The following FAM193A variants were observed in gnomAD, a reference collection of about 807,000 sequenced individuals.
FAM193A encodes the protein protein FAM193A.
FAM193A carries 22 observed loss-of-function variants against 126.5 expected under a neutral mutation model. The observed-to-expected ratio is 0.17, with a 90% CI of 0.12 to 0.25. The LOEUF is 0.25. Among genes scored for constraint, FAM193A ranks in the 10% least tolerant of loss-of-function variants. FAM193A has a pLI of 1.00. For synonymous variants in FAM193A, 761 were observed against 646.8 expected (o/e 1.18, Z -2.68); for missense variants, 1,675 against 1,672.8 (o/e 1.00, Z -0.02).
chr4:2,647,864 A>G (rs1745305293), intron 7 of FAM193A, among the ~76,000 whole-genome samples: 1 of 152,218 alleles, frequency 6.6e-6, no homozygotes, highest in South Asian at 2.1e-4. Context: ...CTAGCCTAAG[A>G]CATGTGCTGG....
chr4:2,547,778 A>G (rs1737658683), intron 1 of FAM193A, among the ~76,000 whole-genome samples: 1 of 151,526 alleles, frequency 6.6e-6, no homozygotes, highest in African/African-American at 2.4e-5. Context: ...GATGTGCGTC[A>G]CCACACCTGG....
intron 1 of FAM193A, among the ~76,000 whole-genome samples, chr4:2,558,617 G>T (rs1391013280): frequency 2.0e-5 from 3 of 152,154 alleles, no homozygotes; most frequent in African/African-American, 7.2e-5. Context: ...TTGGCCTCAA[G>T]CAATCCTCCT....
chr4:2,546,791 T>C (rs1737588887), intron 1 of FAM193A, among the ~76,000 whole-genome samples: 1 of 152,050 alleles, frequency 6.6e-6, no homozygotes, highest in South Asian at 2.1e-4. Flanking sequence ...TACCAAGGAG[T>C]AGGAGCTGGT....
chr4:2,688,298 G>C (rs537192831), intron 13 of FAM193A, among the ~76,000 whole-genome samples: 1 of 152,126 alleles, frequency 6.6e-6, no homozygotes, highest in Admixed American at 6.5e-5. Context: ...GGAAAATGAC[G>C]GATTTTAGTG....
intron 13 of FAM193A, among the ~76,000 whole-genome samples, chr4:2,686,964 T>C (rs1715807952): frequency 6.6e-6 from 1 of 152,208 alleles, no homozygotes; most frequent in Admixed American, 6.5e-5. Context: ...TTCCTGGCTC[T>C]TGTCCCATGG....
intron 13 of FAM193A, among the ~76,000 whole-genome samples, chr4:2,675,416 G>A (rs2109180082): frequency 6.6e-6 from 1 of 152,314 alleles, no homozygotes; most frequent in East Asian, 1.9e-4. Flanking sequence ...GCCCTACAAA[G>A]TTTGATACTC....
rs1553912486 is a variant in FAM193A, at chr4:2,699,444, C to CA, written c.3508-236_3508-235insA. ...ATTTTTTGTTAACTACCACCCCCCC[C>CA]CCCACACACACACACACAAATAAGT... On this transcript the variant is annotated intron_variant, in intron 18 of 20. Transcript: ENST00000637812. Among the ~76,000 whole-genome samples the CA allele has an allele frequency of 6.2e-4, 54 of 87,658 alleles. 6 individuals are homozygous for CA. The South Asian group carries it at 8.3e-3, about 13-fold the overall frequency. 57.5% of individuals were successfully genotyped at this position (87,658 alleles called of 152,430 possible).
intron 2 of FAM193A, among the ~76,000 whole-genome samples, chr4:2,610,694 C>T (rs1466846729): frequency 2.6e-5 from 4 of 151,950 alleles, no homozygotes. Flanking sequence ...TTGTATTTTC[C>T]AGTTTGGGCT....
intron 2 of FAM193A, among the ~76,000 whole-genome samples, chr4:2,606,838 A>G (rs2108933300): frequency 6.6e-6 from 1 of 152,340 alleles, no homozygotes. Flanking sequence ...CCACAGTGGC[A>G]GGTGAAAGTT....
intron 12 of FAM193A, among the ~76,000 whole-genome samples, chr4:2,665,875 C>G (rs2109132214): frequency 6.6e-6 from 1 of 152,278 alleles, no homozygotes; most frequent in South Asian, 2.1e-4. Context: ...GAGACGGAGT[C>G]TCGCTCTGTT....
intron 1 of FAM193A, among the ~76,000 whole-genome samples, chr4:2,580,506 A>G (rs983595522): frequency 6.6e-6 from 1 of 151,392 alleles, no homozygotes; most frequent in African/African-American, 2.4e-5. Context: ...TGTGACCCCC[A>G]CCCCCCATTT....
chr4:2,607,979 G>A (rs900536834), intron 2 of FAM193A: 12 of 1,562,868 alleles, frequency 7.7e-6, no homozygotes, highest in East Asian at 6.9e-5. Context: ...TGCTACCAGG[G>A]CAGCCACTCA....
chr4:2,684,498 T>A (rs1715504996), intron 13 of FAM193A, among the ~76,000 whole-genome samples: 1 of 152,190 alleles, frequency 6.6e-6, no homozygotes, highest in Non-Finnish European at 1.5e-5. Flanking sequence ...GCATCCAGAT[T>A]CGTTTTCTGC....
chr4:2,591,070 A>G (rs1740545230), intron 1 of FAM193A, among the ~76,000 whole-genome samples: 1 of 151,996 alleles, frequency 6.6e-6, no homozygotes, highest in Admixed American at 6.6e-5. Flanking sequence ...AGTTGTAGTA[A>G]TTAGCTGCGT....
At chr4:2,642,266 A>G (rs1374216032) in intron 6 of FAM193A, among the ~76,000 whole-genome samples, 4 of 151,830 alleles carry the variant, frequency 2.6e-5, no homozygotes, top group Non-Finnish European at 4.4e-5. Context: ...TCACGCCACT[A>G]CACTCCAGCC....
intron 5 of FAM193A, 51 bp from the exon 6 acceptor site, chr4:2,639,684 C>T: frequency 3.3e-6 from 5 of 1,538,188 alleles, no homozygotes; most frequent in Non-Finnish European, 3.6e-6. Context: ...ATTTTCTAGT[C>T]TTTAGCAATT....
intron 2 of FAM193A, among the ~76,000 whole-genome samples, chr4:2,618,467 G>A (rs990845395): frequency 3.3e-5 from 5 of 151,578 alleles, no homozygotes; most frequent in African/African-American, 4.9e-5. Flanking sequence ...TTGCCCTGTC[G>A]CCCAGGCTGG....
intron 1 of FAM193A, among the ~76,000 whole-genome samples, chr4:2,568,469 G>A (rs1739098416): frequency 6.6e-6 from 1 of 152,192 alleles, no homozygotes; most frequent in African/African-American, 2.4e-5. Context: ...ACAGTGAGCT[G>A]TGATTGTGTC....
chr4:2,574,965 C>T (rs935333381), intron 1 of FAM193A, among the ~76,000 whole-genome samples: 3 of 152,134 alleles, frequency 2.0e-5, no homozygotes, highest in African/African-American at 4.8e-5. Flanking sequence ...AGGAGGCCTG[C>T]CATCCCTCCC....
Sources: allele counts gnomAD v4.1 joint callset (sites outside exome capture counted in the v4.1 genomes callset), GRCh38; gene constraint gnomAD v4.1.1; transcripts MANE v1.5; gene names NCBI Gene and HGNC (gene_info 2026-07-23, HGNC 2026-07-21).